Variants in BBX observed in about 807,000 individuals in gnomAD.
BBX encodes BBX high mobility group box domain containing.
Under a neutral mutation model 100.2 loss-of-function variants are expected in BBX, and 30 were observed. The ratio of observed to expected loss-of-function variants is 0.30; its 90% CI spans 0.22 to 0.41. The LOEUF (loss-of-function observed/expected upper bound fraction) is 0.41. BBX is among the 10% of genes least tolerant of loss of function. BBX has a pLI of 1.00. For missense variants in BBX, 1,023 were observed against 1,129.8 expected, an observed-to-expected ratio of 0.91 and a Z score of 1.35; for synonymous variants, 376 against 388.1, an observed-to-expected ratio of 0.97 and a Z score of 0.37.
intron 3 of BBX, among the ~76,000 whole-genome samples, chr3:107,699,535 G>A (rs1322769084): frequency 2.6e-5 from 4 of 151,944 alleles, no homozygotes; most frequent in Non-Finnish European, 5.9e-5. Flanking sequence ...GAAAATTAAA[G>A]TCAGCAAAGC....
intron 2 of BBX, among the ~76,000 whole-genome samples, chr3:107,564,415 A>G (rs917876906): frequency 1.4e-4 from 21 of 152,112 alleles, no homozygotes; most frequent in African/African-American, 4.3e-4. Context: ...AACTTTATCA[A>G]TTTTTCCCTT....
intron 2 of BBX, among the ~76,000 whole-genome samples, chr3:107,632,365 G>A (rs879764976): frequency 6.6e-5 from 10 of 152,068 alleles, no homozygotes; most frequent in African/African-American, 2.2e-4. Flanking sequence ...GATTACAGGC[G>A]TGAGCTACCA....
chr3:107,774,508 CAATT>C (rs1252751716), intron 11 of BBX, among the ~76,000 whole-genome samples: 4 of 152,106 alleles, frequency 2.6e-5, no homozygotes, highest in Admixed American at 6.5e-5. Flanking sequence ...AATTACATGA[CAATT>C]AATCCCAGAA....
chr3:107,612,230 C>T (rs1470560439), intron 2 of BBX, among the ~76,000 whole-genome samples: 1 of 152,068 alleles, frequency 6.6e-6, no homozygotes, highest in Non-Finnish European at 1.5e-5. Flanking sequence ...CCGTGCTTGG[C>T]CCCTGGTGCC....
chr3:107,695,849 C>G (rs1306222631), intron 3 of BBX, among the ~76,000 whole-genome samples: 2 of 151,742 alleles, frequency 1.3e-5, no homozygotes, highest in Non-Finnish European at 2.9e-5. Flanking sequence ...TTGTAGGTCA[C>G]TCAGGACTTG....
At chr3:107,800,447 G>A (rs2070316287) in intron 16 of BBX, among the ~76,000 whole-genome samples, 1 of 152,084 alleles carries the variant, frequency 6.6e-6, no homozygotes, top group African/African-American at 2.4e-5. Flanking sequence ...TTAAAACTAT[G>A]ATAAAAATTT....
At chr3:107,649,918 G>A (rs2057740171) in intron 3 of BBX, among the ~76,000 whole-genome samples, 2 of 152,086 alleles carry the variant, frequency 1.3e-5, no homozygotes, top group South Asian at 4.1e-4. Context: ...ATACTTTATG[G>A]CTTTTACTCT....
Position 107,716,756 on chromosome 3 carries a change from G to A in BBX, c.312G>A (p.Arg104=). 6.2e-7 allele frequency: 1 copy of A among 1,613,758 alleles called. No homozygotes were observed. Among genetic ancestry groups the A allele is most frequent in the Non-Finnish European group, 8.5e-7 (1 of 1,179,758 alleles). The change falls in exon 5 of 18, where the codon AGG becomes AGA. Residue 104 remains arginine (R), a synonymous_variant. Transcript: ENST00000325805. ...HRSLVRQEHP[R]LDNRGATKIL... is the part of the protein sequence containing the mutation. ...CTCTTGTACGTCAGGAACACCCCAG[G>A]CTTGATAACCGAGGTGCTACCAAGA... is the stretch of plus-strand genomic sequence containing the variant.
chr3:107,785,888 A>T (rs2068368296), intron 13 of BBX, among the ~76,000 whole-genome samples: 3 of 152,172 alleles, frequency 2.0e-5, no homozygotes, highest in Middle Eastern at 3.4e-3. Context: ...AGGTAAAATT[A>T]TATTTATTCT....
intron 2 of BBX, among the ~76,000 whole-genome samples, chr3:107,532,167 C>G (rs906427148): frequency 2.6e-5 from 4 of 151,808 alleles, no homozygotes; most frequent in Admixed American, 6.6e-5. Context: ...GCACTCCAGC[C>G]TGGGTGAAAG....
At chr3:107,645,330 C>T (rs1372689347) in intron 2 of BBX, among the ~76,000 whole-genome samples, 4 of 152,146 alleles carry the variant, frequency 2.6e-5, no homozygotes, top group African/African-American at 7.2e-5. Context: ...GTCCCCCTCA[C>T]CCCAGGCTGC....
chr3:107,531,830 C>T (rs977590804), intron 2 of BBX, among the ~76,000 whole-genome samples: 5 of 152,134 alleles, frequency 3.3e-5, no homozygotes, highest in African/African-American at 9.7e-5. Flanking sequence ...TCATATTTCA[C>T]GGTAGTTCTC....
At chr3:107,615,420 G>A (rs1269570820) in intron 2 of BBX, among the ~76,000 whole-genome samples, 2 of 152,044 alleles carry the variant, frequency 1.3e-5, no homozygotes, top group Non-Finnish European at 1.5e-5. Flanking sequence ...TCCAGGATCC[G>A]GGCATATAAG....
chr3:107,593,117 C>T (rs1297921360), intron 2 of BBX, among the ~76,000 whole-genome samples: 8 of 152,160 alleles, frequency 5.3e-5, no homozygotes, highest in Non-Finnish European at 1.0e-4. Context: ...TGTGGCAGTT[C>T]TAATAACAGG....
chr3:107,596,388 A>G (rs1268354615), intron 2 of BBX, among the ~76,000 whole-genome samples: 2 of 152,200 alleles, frequency 1.3e-5, no homozygotes, highest in Non-Finnish European at 2.9e-5. Context: ...TAAAAAGTGT[A>G]TTCACATCTG....
intron 15 of BBX, among the ~76,000 whole-genome samples, chr3:107,798,027 A>G (rs2069932414): frequency 6.6e-6 from 1 of 152,194 alleles, no homozygotes; most frequent in African/African-American, 2.4e-5. Context: ...TCAGGCCTCA[A>G]TTTCTTTTCT....
intron 3 of BBX, among the ~76,000 whole-genome samples, chr3:107,695,955 C>T (rs2060566268): frequency 1.3e-5 from 2 of 151,820 alleles, no homozygotes; most frequent in African/African-American, 4.9e-5. Context: ...AAGTAATGGC[C>T]TTCTTTGTCT....
intron 2 of BBX, among the ~76,000 whole-genome samples, chr3:107,566,944 G>A (rs1208919897): frequency 6.6e-6 from 1 of 151,834 alleles, no homozygotes; most frequent in Non-Finnish European, 1.5e-5. Context: ...GTACCATTTT[G>A]GTAGTATCTC....
At chr3:107,728,982 A>G in intron 6 of BBX, 22 bp downstream of exon 6, 1 of 1,607,598 alleles carries the variant, frequency 6.2e-7, no homozygotes, top group Non-Finnish European at 8.5e-7. Context: ...CACTATTTCC[A>G]CCTATTCTTT....
Sources: allele counts gnomAD v4.1 joint callset (sites outside exome capture counted in the v4.1 genomes callset), GRCh38; gene constraint gnomAD v4.1.1; transcripts MANE v1.5; gene names NCBI Gene and HGNC (gene_info 2026-07-23, HGNC 2026-07-21).